Variants in FHIP1A observed in about 807,000 individuals in gnomAD.
The protein encoded by FHIP1A is FHF complex subunit HOOK interacting protein 1A.
Under a neutral mutation model 88.6 loss-of-function variants are expected in FHIP1A, and 61 were observed. The observed-to-expected ratio is 0.69, with a 90% CI of 0.56 to 0.85. FHIP1A has a LOEUF of 0.85. Among genes scored for constraint, FHIP1A ranks in the 40% least tolerant of loss-of-function variants. The pLI is 0.00. For missense variants in FHIP1A, 1,154 were observed against 1,273.5 expected (o/e 0.91, Z 1.43); for synonymous variants, 478 against 496.0 (o/e 0.96, Z 0.48).
chr4:151,444,210 C>A (rs189491521), intron 1 of FHIP1A, among the ~76,000 whole-genome samples: 1 of 152,066 alleles, frequency 6.6e-6, no homozygotes. Context: ...GTATGGAATT[C>A]TCCCATTTTG....
chr4:151,599,688 T>C (rs1734788632), intron 7 of FHIP1A, among the ~76,000 whole-genome samples: 3 of 152,144 alleles, frequency 2.0e-5, no homozygotes, highest in Admixed American at 2.0e-4. Context: ...TCAGAGCAAA[T>C]GTGGAGAAGA....
At chr4:151,528,132 T>A (rs1731748378) in intron 3 of FHIP1A, among the ~76,000 whole-genome samples, 1 of 152,208 alleles carries the variant, frequency 6.6e-6, no homozygotes, top group Non-Finnish European at 1.5e-5. Flanking sequence ...AGCTGCTTGG[T>A]TCTTTTGGTG....
intron 7 of FHIP1A, among the ~76,000 whole-genome samples, chr4:151,598,346 C>T (rs1043508070): frequency 3.3e-5 from 5 of 152,138 alleles, no homozygotes; most frequent in East Asian, 1.9e-4. Context: ...TTTGGCTTGC[C>T]GTTGGTAGGC....
In FHIP1A at chr4:151,664,864, C is replaced by T. The variant is rs1302044784; in HGVS notation, c.*2110C>T. Among the ~76,000 whole-genome samples the T allele has an allele frequency of 6.6e-6, 1 of 152,064 alleles. No homozygotes were observed. Among genetic ancestry groups the T allele is most frequent in the Non-Finnish European group, 1.5e-5 (1 of 68,014 alleles). ...TGGTGGTGTTGATTCTTCTTGAATC[C>T]ATATTTCTGCATTGTAGAATACCAT... On this transcript the variant is annotated 3_prime_UTR_variant, in exon 14 of 14. Transcript: ENST00000435205.
At position 151,670,448 on chromosome 4, in the gene FHIP1A, A is replaced by G. The variant is rs1267031638; in HGVS notation, c.*7694A>G. 1 of 152,100 alleles carries G rather than the reference A, an allele frequency of 6.6e-6. No individual in the cohort carries two copies. Among genetic ancestry groups the G allele is most frequent in the Non-Finnish European group, 1.5e-5 (1 of 68,030 alleles). The allele number at this position is 152,100 out of a possible 1,614,324, so 9.4% of individuals were successfully genotyped here. ...TGCACAATCTTTGAAGTGTAAGTTA[A>G]TTTTTATGTGATATTTCAGTATATA... is the stretch of plus-strand genomic sequence containing the variant. On this transcript the variant is annotated 3_prime_UTR_variant, in exon 14 of 14. Transcript: ENST00000435205.
chr4:151,650,383 T>C lies in FHIP1A; in HGVS notation c.2342T>C (p.Leu781Pro), dbSNP rs1185845644. 7 of 1,551,704 alleles carry C rather than the reference T, an allele frequency of 4.5e-6. No homozygotes were observed. The Admixed American group carries it at 9.8e-5, about 22-fold the overall frequency. The change falls in exon 11 of 14, where the codon CTT becomes CCT. Residue 781 changes from leucine to proline, a missense_variant. Physicochemically the swap from Leu to Pro is moderately conservative, Grantham distance 98. Transcript: ENST00000435205. ...AATTACCCCACACCTGATCCCTTGC[T>C]TCTCACTAAGGAGGAAGAAGGGAAG... ...EQNYPTPDPL[L>P]LTKEEEGKEE...
chr4:151,435,699 C>T (rs139103430), intron 1 of FHIP1A, among the ~76,000 whole-genome samples: 2 of 151,096 alleles, frequency 1.3e-5, no homozygotes, highest in East Asian at 3.9e-4. Flanking sequence ...GCAGGAGAAT[C>T]GCTTGAACCC....
In FHIP1A at chr4:151,638,737, A is replaced by T. The variant is rs1354881091; in HGVS notation, c.1207A>T (p.Met403Leu). Residue 403 changes from methionine to leucine, a missense_variant, in exon 9 of 14, where the codon ATG (methionine) becomes TTG (leucine). Transcript: ENST00000435205. ...TLIGLHCEDV[M>L]LQLVLRYLIP... ...CATTGGTTTACATTGTGAAGATGTG[A>T]TGTTACAGCTAGTTCTAAGGTGAGT... 1 of 1,548,736 alleles carries T rather than the reference A, an allele frequency of 6.5e-7. No homozygotes were observed. Among genetic ancestry groups the T allele is most frequent in the African/African-American group, 1.4e-5 (1 of 72,958 alleles).
At chr4:151,491,580 G>GA (rs904621108) in intron 3 of FHIP1A, among the ~76,000 whole-genome samples, 29 of 148,570 alleles carry the variant, frequency 2.0e-4, no homozygotes, top group East Asian at 1.4e-3. Flanking sequence ...ATAACACAAT[G>GA]AAAAAAAAAC....
intron 2 of FHIP1A, among the ~76,000 whole-genome samples, chr4:151,469,999 A>G (rs1457308470): frequency 6.6e-6 from 1 of 152,202 alleles, no homozygotes; most frequent in Non-Finnish European, 1.5e-5. Context: ...AATGTAAGAT[A>G]AATTGAGAAG....
At chr4:151,577,079 C>T (rs1243851520) in intron 4 of FHIP1A, among the ~76,000 whole-genome samples, 1 of 152,130 alleles carries the variant, frequency 6.6e-6, no homozygotes, top group African/African-American at 2.4e-5. Flanking sequence ...CATCTAACAT[C>T]TACGAATAGC....
chr4:151,544,693 C>T (rs1391230402), intron 3 of FHIP1A, among the ~76,000 whole-genome samples: 1 of 152,102 alleles, frequency 6.6e-6, no homozygotes, highest in African/African-American at 2.4e-5. Context: ...GCTGTGTGGC[C>T]TTTCCCCTCT....
Position 151,669,059 on chromosome 4 carries a change from G to T in FHIP1A, c.*6305G>T, listed in dbSNP as rs1243568139. On this transcript the variant is annotated 3_prime_UTR_variant, in exon 14 of 14. Coordinates refer to ENST00000435205, the MANE Select transcript of FHIP1A (RefSeq NM_001109977.3). ...CCAGACTAAACGCACACTCATGCAA[G>T]AATGTAAAATTGTATTTCACTGAGG... 6.6e-6 allele frequency among the ~76,000 whole-genome samples: 1 copy of T among 152,242 alleles called. No individual in the cohort carries two copies. The highest frequency in any genetic ancestry group is 2.1e-4 in the South Asian group (1 of 4,834).
At chr4:151,645,805 C>T (rs1243227694) in intron 9 of FHIP1A, among the ~76,000 whole-genome samples, 2 of 151,902 alleles carry the variant, frequency 1.3e-5, no homozygotes, top group Non-Finnish European at 2.9e-5. Flanking sequence ...TGATGTGCTC[C>T]AGGTGTGTCA....
intron 1 of FHIP1A, among the ~76,000 whole-genome samples, chr4:151,426,502 A>C (rs891471956): frequency 1.3e-5 from 2 of 152,218 alleles, no homozygotes; most frequent in African/African-American, 2.4e-5. Flanking sequence ...CAGAAATTAT[A>C]AAATGACCTG....
intron 1 of FHIP1A, among the ~76,000 whole-genome samples, chr4:151,419,570 T>TGAACACACCCTACCTCTTCC (rs1733039080): frequency 4.8e-4 from 11 of 23,134 alleles, no homozygotes; most frequent in Admixed American, 9.9e-4. Context: ...TCCTCATTCT[T>TGAACACACCCTACCTCTTCC]TTTTTTTTTT....
chr4:151,449,575 A>G (rs1728722993), intron 1 of FHIP1A, among the ~76,000 whole-genome samples: 1 of 152,132 alleles, frequency 6.6e-6, no homozygotes, highest in African/African-American at 2.4e-5. Context: ...GTAATATGAA[A>G]TACCTTACTG....
At chr4:151,610,397 A>G (rs1735277197) in intron 7 of FHIP1A, among the ~76,000 whole-genome samples, 1 of 152,214 alleles carries the variant, frequency 6.6e-6, no homozygotes, top group African/African-American at 2.4e-5. Context: ...GGCTCTGTGT[A>G]TATCATCTTT....
At chr4:151,505,635 A>T (rs1250692671) in intron 3 of FHIP1A, among the ~76,000 whole-genome samples, 1 of 152,158 alleles carries the variant, frequency 6.6e-6, no homozygotes, top group Non-Finnish European at 1.5e-5. Context: ...ACAAAAAGAG[A>T]AAAATCTTTA....
Sources: gnomAD v4.1 joint callset for allele counts (sites outside exome capture counted in the v4.1 genomes callset) on GRCh38, gnomAD v4.1.1 for gene constraint, MANE v1.5 for transcripts, NCBI Gene and HGNC (gene_info 2026-07-23, HGNC 2026-07-21) for gene names.